The following RNF180 variants were observed in gnomAD, a reference collection of about 807,000 sequenced individuals.
RNF180 encodes E3 ubiquitin-protein ligase RNF180.
In RNF180, 38 loss-of-function variants were observed where a neutral mutation model predicts 59.2. The ratio of observed to expected loss-of-function variants is 0.64; its 90% CI spans 0.50 to 0.84. The LOEUF is 0.84. Ranked by LOEUF, RNF180 falls within the 40% of genes least tolerant of loss-of-function variation. The pLI is 0.00. For missense variants in RNF180, 705 were observed against 700.9 expected (o/e 1.01, Z -0.07); for synonymous variants, 262 against 240.3 (o/e 1.09, Z -0.84).
intron 3 of RNF180, among the ~76,000 whole-genome samples, chr5:64,212,702 C>T (rs1198945948): frequency 2.0e-5 from 3 of 152,088 alleles, no homozygotes; most frequent in Non-Finnish European, 4.4e-5. Context: ...GAAAATTCTA[C>T]ACTTTAAAGG....
At chr5:64,324,719 A>G (rs1350994451) in intron 5 of RNF180, among the ~76,000 whole-genome samples, 3 of 152,176 alleles carry the variant, frequency 2.0e-5, no homozygotes, top group Non-Finnish European at 2.9e-5. Flanking sequence ...GACACAAAAT[A>G]TAGAATAGAG....
chr5:64,213,807 A>G lies in RNF180; in HGVS notation c.481A>G (p.Arg161Gly). 6.2e-7 allele frequency: 1 copy of G among 1,614,190 alleles called. No individual in the cohort carries two copies. Reference protein sequence around the residue: ...ALLTGGGSENRNHRLLNMARN... With the variant: ...ALLTGGGSENGNHRLLNMARN... ...GCTGACAGGTGGTGGCTCTGAAAAC[A>G]GAAATCACAGGCTTTTAAACATGGC... The change falls in exon 4 of 8, where the codon AGA (arginine) becomes GGA (glycine). Residue 161 changes from arginine (R) to glycine (G), a missense_variant. Physicochemically the swap from Arg to Gly is moderately radical, Grantham distance 125 (BLOSUM62 -2). Transcript: ENST00000389100.
chr5:64,190,821 A>G (rs554993760), intron 1 of RNF180, among the ~76,000 whole-genome samples: 23 of 152,308 alleles, frequency 1.5e-4, no homozygotes, highest in African/African-American at 5.5e-4. Context: ...GCCTCACCAG[A>G]AAACAACCCT....
At chr5:64,308,785 C>G (rs757740177) in intron 5 of RNF180, among the ~76,000 whole-genome samples, 4 of 151,642 alleles carry the variant, frequency 2.6e-5, no homozygotes. Context: ...TTAGAGATAA[C>G]GACTAAGATG....
intron 5 of RNF180, among the ~76,000 whole-genome samples, chr5:64,218,479 T>C (rs186113256): frequency 6.6e-6 from 1 of 152,326 alleles, no homozygotes; most frequent in East Asian, 1.9e-4. Context: ...TTCATATTTA[T>C]GTCTGTGCTT....
intron 1 of RNF180, among the ~76,000 whole-genome samples, chr5:64,194,618 C>A (rs992395845): frequency 2.6e-5 from 4 of 152,180 alleles, no homozygotes; most frequent in African/African-American, 9.7e-5. Flanking sequence ...TACAGTCCCA[C>A]CAACAGTGTA....
chr5:64,347,962 G>A (rs1016547442), intron 7 of RNF180, among the ~76,000 whole-genome samples: 5 of 152,034 alleles, frequency 3.3e-5, no homozygotes, highest in Middle Eastern at 3.2e-3. Flanking sequence ...ATTTTGTTGA[G>A]AAATAATAGA....
chr5:64,294,963 C>T (rs892492165), intron 5 of RNF180, among the ~76,000 whole-genome samples: 1 of 152,162 alleles, frequency 6.6e-6, no homozygotes, highest in Admixed American at 6.6e-5. Flanking sequence ...GAGGCAACCA[C>T]TATTCTGATT....
intron 5 of RNF180, among the ~76,000 whole-genome samples, chr5:64,269,893 G>A (rs957525038): frequency 5.3e-5 from 8 of 152,126 alleles, no homozygotes; most frequent in African/African-American, 1.9e-4. Context: ...TCAATTTTCA[G>A]GCACTCACTA....
At chr5:64,201,654 T>C (rs1751754485) in intron 2 of RNF180, among the ~76,000 whole-genome samples, 1 of 152,224 alleles carries the variant, frequency 6.6e-6, no homozygotes, top group South Asian at 2.1e-4. Flanking sequence ...CAGTTAGATT[T>C]GATCATGATG....
chr5:64,334,547 GTTC>G (rs140827300), intron 7 of RNF180, among the ~76,000 whole-genome samples: 15,387 of 152,046 alleles, frequency 0.1, 862 homozygotes, highest in South Asian at 0.17. Flanking sequence ...ACCTTCTGTA[GTTC>G]TTCTTTGTTT....
rs868286061 is a variant in RNF180, at chr5:64,349,761, G to A, written c.1579+19355G>A. ...CTTCATCCATGTCCCTACAAAGGAC[G>A]TGAACTCATCCTTTTTTATGGCTGC... On this transcript the variant is annotated intron_variant, in intron 7 of 7. Coordinates refer to ENST00000389100, the MANE Select transcript of RNF180 (RefSeq NM_001113561.2). 3.9e-5 allele frequency among the ~76,000 whole-genome samples: 6 copies of A among 152,100 alleles called. 1 individual carries two copies. Among genetic ancestry groups the A allele is most frequent in the South Asian group, 2.1e-4 (1 of 4,818 alleles).
intron 7 of RNF180, among the ~76,000 whole-genome samples, chr5:64,355,486 C>T (rs1238703551): frequency 1.3e-5 from 2 of 151,878 alleles, no homozygotes; most frequent in Non-Finnish European, 2.9e-5. Context: ...ATCAGTACTG[C>T]CCAAGGCCAT....
intron 7 of RNF180, among the ~76,000 whole-genome samples, chr5:64,356,177 T>A (rs1378358895): frequency 2.0e-5 from 3 of 151,684 alleles, no homozygotes; most frequent in African/African-American, 4.8e-5. Flanking sequence ...TGGGAGCATT[T>A]TTTGAGCCCA....
chr5:64,237,901 C>A (rs72752817), intron 5 of RNF180, among the ~76,000 whole-genome samples: 9 of 152,050 alleles, frequency 5.9e-5, no homozygotes, highest in Non-Finnish European at 1.2e-4. Flanking sequence ...CCTTTCTTCC[C>A]CTTTACCTTC....
At chr5:64,309,935 G>C (rs538439305) in intron 5 of RNF180, among the ~76,000 whole-genome samples, 12 of 151,334 alleles carry the variant, frequency 7.9e-5, no homozygotes, top group Non-Finnish European at 1.3e-4. Context: ...CAAAGGCCTA[G>C]AGAATTCATA....
intron 1 of RNF180, among the ~76,000 whole-genome samples, chr5:64,168,185 AT>A (rs1749750038): frequency 1.3e-5 from 2 of 152,228 alleles, no homozygotes; most frequent in East Asian, 1.9e-4. Context: ...TTTTGTTTCT[AT>A]TTTTTAATCA....
intron 7 of RNF180, among the ~76,000 whole-genome samples, chr5:64,336,997 TG>T (rs138169599): frequency 0.26 from 37,469 of 143,604 alleles, 4,940 homozygotes; most frequent in African/African-American, 0.34. Context: ...TTTCTTTTTT[TG>T]TTGTTGTTTT....
At position 64,266,048 on chromosome 5, in the gene RNF180, T is replaced by G. The variant is rs148371903; in HGVS notation, c.1227+48652T>G. 3.9e-3 allele frequency among the ~76,000 whole-genome samples: 591 copies of G among 152,318 alleles called. 3 individuals are homozygous for G. Among genetic ancestry groups the G allele is most frequent in the African/African-American group, 0.014 (572 of 41,572 alleles). On this transcript the variant is annotated intron_variant, in intron 5 of 7. Transcript: ENST00000389100. ...TCTATTATTGGTGTATAAGAATGCTTATGATTTTTGCACATTGATTTAGTA... is the reference window on the plus strand; with the variant it reads ...TCTATTATTGGTGTATAAGAATGCTGATGATTTTTGCACATTGATTTAGTA...
Sources: allele counts gnomAD v4.1 joint callset (sites outside exome capture counted in the v4.1 genomes callset), GRCh38; gene constraint gnomAD v4.1.1; transcripts MANE v1.5; gene names NCBI Gene and HGNC (gene_info 2026-07-23, HGNC 2026-07-21).